Variants in ANO10 observed in about 807,000 individuals in gnomAD.
The protein encoded by ANO10 is anoctamin 10, also known as anoctamin-10.
Under a neutral mutation model 74.7 loss-of-function variants are expected in ANO10, and 77 were observed. The ratio of observed to expected loss-of-function variants is 1.03; its 90% CI spans 0.86 to 1.25. The LOEUF (loss-of-function observed/expected upper bound fraction) is 1.25, where lower values mean the gene tolerates loss of function less well. ANO10 is among the 50% of genes most tolerant of loss of function. The pLI is 0.00. For missense variants in ANO10, 721 were observed against 778.1 expected (o/e 0.93, Z 0.87); for synonymous variants, 279 against 284.9 (o/e 0.98, Z 0.21).
chr3:43,396,071 TATTTA>T (rs2148857947), intron 12 of ANO10, among the ~76,000 whole-genome samples: 1 of 150,526 alleles, frequency 6.6e-6, no homozygotes, highest in South Asian at 2.1e-4. Flanking sequence ...TTAATTTATT[TATTTA>T]TTTTTTTTTT....
At chr3:43,436,028 C>T (rs1307953830) in intron 11 of ANO10, among the ~76,000 whole-genome samples, 1 of 152,168 alleles carries the variant, frequency 6.6e-6, no homozygotes, top group Admixed American at 6.5e-5. Context: ...CCCACCTCTA[C>T]CCCAACTTTC....
rs781738943 is a variant in ANO10 at position 43,605,824 on chromosome 3, G to T, written c.29C>A (p.Thr10Asn). The T allele has an allele frequency of 3.8e-5, 61 of 1,613,592 alleles. No homozygotes were observed. Among genetic ancestry groups the T allele is most frequent in the Non-Finnish European group, 5.1e-5 (60 of 1,179,760 alleles). ...CAAAGGTGTGAAAGAACTCTCAGAA[G>T]TATCCAAAGCTGATAAGGTCACTTT... MKVTLSALDTSESSFTPLVV... is the reference protein window; with the variant it reads MKVTLSALDNSESSFTPLVV... The change falls in exon 2 of 13, where the codon ACT becomes AAT. Residue 10 changes from threonine to asparagine, a missense_variant. Coordinates refer to ENST00000292246, the MANE Select transcript of ANO10 (RefSeq NM_018075.5).
At chr3:43,455,458 G>A (rs895520762) in intron 11 of ANO10, among the ~76,000 whole-genome samples, 4 of 152,024 alleles carry the variant, frequency 2.6e-5, no homozygotes, top group Admixed American at 2.0e-4. Flanking sequence ...TGACAGGTAC[G>A]TGTATTAGAG....
chr3:43,442,270 C>T (rs1575817066), intron 11 of ANO10, among the ~76,000 whole-genome samples: 1 of 151,824 alleles, frequency 6.6e-6, no homozygotes, highest in South Asian at 2.1e-4. Flanking sequence ...ATGTAGACAA[C>T]CCTAATTCTA....
At position 43,673,883 on chromosome 3, in the gene ANO10, C is replaced by A. The variant is rs116335902; in HGVS notation, c.-12+17634G>T. On this transcript the variant is annotated intron_variant, in intron 1 of 3. Coordinates refer to the ANO10 transcript ENST00000413397. ...TACTCTTTCTTCTCTGCCCCTACCC[C>A]CAATGACACTAGAACTTGAAATTGT... Among the ~76,000 whole-genome samples, 518 of 152,218 alleles carry A rather than the reference C, an allele frequency of 3.4e-3. 5 individuals are homozygous for A. Among genetic ancestry groups the A allele is most frequent in the African/African-American group, 0.01 (427 of 41,510 alleles).
At chr3:43,567,643 T>C (rs2080442035) in intron 7 of ANO10, among the ~76,000 whole-genome samples, 1 of 152,078 alleles carries the variant, frequency 6.6e-6, no homozygotes, top group Non-Finnish European at 1.5e-5. Context: ...TGAGAGATTT[T>C]GTCACCACCA....
At chr3:43,573,747 T>G (rs969566242) in intron 7 of ANO10, among the ~76,000 whole-genome samples, 1 of 152,186 alleles carries the variant, frequency 6.6e-6, no homozygotes, top group East Asian at 1.9e-4. Context: ...GCTTTCTCTC[T>G]GTCTCTTTCC....
Position 43,663,993 on chromosome 3 carries a change from G to C in ANO10, c.-12+27524C>G, listed in dbSNP as rs141054060. The stretch of plus-strand genomic sequence containing the variant: ...ATAGATTCAATGCTATCCCCATCAA[G>C]CTACCACTGACTTTCTTCAAAGAAT... On this transcript the variant is annotated intron_variant, in intron 1 of 3. Coordinates refer to the ANO10 transcript ENST00000413397. Among the ~76,000 whole-genome samples the C allele has an allele frequency of 3.0e-4, 46 of 152,198 alleles. 2 individuals carry two copies. The East Asian group carries it at 8.9e-3, about 29-fold the overall frequency.
chr3:43,576,845 A>C lies in ANO10; in HGVS notation c.1009T>G (p.Phe337Val), dbSNP rs1227163239. The change falls in exon 6 of 13, where the codon TTC (phenylalanine) becomes GTC (valine). Residue 337 changes from phenylalanine to valine, a missense_variant. Phe to Val is a conservative substitution (Grantham distance 50, BLOSUM62 -1). Coordinates refer to ENST00000292246, the MANE Select transcript of ANO10 (RefSeq NM_018075.5). ...YFSLYVMMIY[F>V]DMEVWALGLH... is the part of the protein sequence containing the mutation. The stretch of plus-strand genomic sequence containing the variant: ...CCCAAGGCCCAAACCTCCATGTCGA[A>C]GTAAATCATCATGACATACAGTGAG... The C allele has an allele frequency of 6.8e-6, 11 of 1,614,080 alleles. No homozygotes were observed. The highest frequency in any genetic ancestry group is 9.3e-6 in the Non-Finnish European group (11 of 1,180,040).
chr3:43,594,838 A>C (rs1406128925), intron 4 of ANO10, among the ~76,000 whole-genome samples: 2 of 152,276 alleles, frequency 1.3e-5, no homozygotes, highest in African/African-American at 4.8e-5. Context: ...GTTTTTTGAA[A>C]AGATCAACAA....
At chr3:43,678,424 T>C (rs1477650014) in intron 1 of ANO10, among the ~76,000 whole-genome samples, 4 of 152,294 alleles carry the variant, frequency 2.6e-5, no homozygotes, top group African/African-American at 9.6e-5. Context: ...CGCCACACCC[T>C]GGGCCTGGTA....
At chr3:43,562,268 C>T (rs1340297827) in intron 8 of ANO10, among the ~76,000 whole-genome samples, 2 of 151,522 alleles carry the variant, frequency 1.3e-5, no homozygotes, top group East Asian at 1.9e-4. Context: ...CTGGCTAACA[C>T]GGTGAAATCC....
intron 11 of ANO10, among the ~76,000 whole-genome samples, chr3:43,527,087 G>A (rs1312064529): frequency 7.2e-6 from 1 of 138,520 alleles, no homozygotes; most frequent in Non-Finnish European, 1.6e-5. Context: ...TAGTGGCTTG[G>A]GGCAAAGTTA....
intron 8 of ANO10, among the ~76,000 whole-genome samples, chr3:43,561,654 T>C (rs935751886): frequency 3.3e-5 from 5 of 152,140 alleles, no homozygotes; most frequent in African/African-American, 9.7e-5. Flanking sequence ...ATAAATAAGA[T>C]TATAATACAA....
At chr3:43,505,391 T>C (rs1228169935) in intron 11 of ANO10, among the ~76,000 whole-genome samples, 1 of 152,238 alleles carries the variant, frequency 6.6e-6, no homozygotes, top group Admixed American at 6.5e-5. Context: ...GGACTGTCTA[T>C]AGGCTGGATT....
intron 11 of ANO10, among the ~76,000 whole-genome samples, chr3:43,472,851 A>G (rs2075917792): frequency 1.3e-5 from 2 of 152,218 alleles, no homozygotes; most frequent in South Asian, 2.1e-4. Context: ...ATATTTAGGT[A>G]AATTGCCTTG....
rs564994629 is a variant in ANO10, at chr3:43,661,312, A to G, written c.-12+30205T>C. Among the ~76,000 whole-genome samples the G allele has an allele frequency of 2.6e-5, 4 of 152,356 alleles. No individual in the cohort carries two copies. In the South Asian group the frequency reaches 8.3e-4, roughly 32 times the overall value. On this transcript the variant is annotated intron_variant, in intron 1 of 3. Coordinates refer to the ANO10 transcript ENST00000413397. ...TTCATATCCAGCCCAACTAAGCTTCATAAGTGAAGGAGAAATAAAATGCTT... is the reference window on the plus strand; with the variant it reads ...TTCATATCCAGCCCAACTAAGCTTCGTAAGTGAAGGAGAAATAAAATGCTT...
At chr3:43,574,047 T>C (rs1404090070) in intron 7 of ANO10, among the ~76,000 whole-genome samples, 2 of 151,738 alleles carry the variant, frequency 1.3e-5, no homozygotes, top group African/African-American at 2.4e-5. Flanking sequence ...CCCCGCCTCC[T>C]GGGTTCAAGC....
chr3:43,541,051 G>A (rs531639528), intron 11 of ANO10, among the ~76,000 whole-genome samples: 133 of 151,950 alleles, frequency 8.8e-4, no homozygotes, highest in Non-Finnish European at 1.4e-3. Flanking sequence ...ACAAGAGGAG[G>A]AAGAAAAAAA....
Sources: gnomAD v4.1 joint callset for allele counts (sites outside exome capture counted in the v4.1 genomes callset) on GRCh38, gnomAD v4.1.1 for gene constraint, MANE v1.5 for transcripts, NCBI Gene and HGNC (gene_info 2026-07-23, HGNC 2026-07-21) for gene names.